ZFHX2: variants seen among roughly 807,000 people sequenced by gnomAD.
ZFHX2 encodes the protein zinc finger homeobox 2.
Under a neutral mutation model 164.8 loss-of-function variants are expected in ZFHX2, and 75 were observed. The observed-to-expected ratio is 0.46, with a 90% CI of 0.38 to 0.55. The LOEUF is 0.55. ZFHX2 is among the 20% of genes least tolerant of loss of function. The pLI is 0.00. For synonymous variants in ZFHX2, 1,217 were observed against 1,351.4 expected (o/e 0.90, Z 2.18); for missense variants, 2,933 against 3,308.0 (o/e 0.89, Z 2.78).
At chr14:23,552,018 G>A (rs1187676077), upstream of ZFHX2, among the ~76,000 whole-genome samples, 3 of 152,170 alleles carry the variant, frequency 2.0e-5, no homozygotes, top group African/African-American at 7.2e-5. Flanking sequence ...CCATACATGT[G>A]TTTTGTTGTT....
chr14:23,534,507 A>T lies in ZFHX2; in HGVS notation c.819T>A (p.Gly273=), dbSNP rs1180583933. 6 of 1,536,184 alleles carry T rather than the reference A, an allele frequency of 3.9e-6. No individual in the cohort carries two copies. Among genetic ancestry groups the T allele is most frequent in the Non-Finnish European group, 4.4e-6 (5 of 1,146,920 alleles). ...LTPAQYQGLS[G]SPAVLQEGDE... ...CTCCCTCCTGGAGTACAGCTGGGCT[A>T]CCTGACAGGCCCTGATATTGGGCAG... The change falls in exon 2 of 10, where the codon GGT becomes GGA. Residue 273 remains glycine, a synonymous_variant. Transcript: ENST00000419474. The surrounding 1 kb of genome is among the most constrained non-coding windows in gnomAD (Gnocchi z 4.5).
In ZFHX2 at chr14:23,522,457, A is replaced by G. The variant is rs1016152569; in HGVS notation, c.7224T>C (p.Pro2408=). ...NALLQPPPQP[P]EPTATAPPKP... is the part of the protein sequence containing the mutation. ...TTGGAGGTGCTGTGGCTGTGGGCTC[A>G]GGGGGCTGGGGTGGCGGCTGGAGGA... Residue 2408 remains proline (P), a synonymous_variant, in exon 10 of 10, where the codon CCT becomes CCC. Transcript: ENST00000419474. 7.8e-6 allele frequency: 12 copies of G among 1,536,068 alleles called. No homozygotes were observed. The Admixed American group carries it at 2.2e-4, about 28-fold the overall frequency.
In ZFHX2 at chr14:23,534,549, A is replaced by G. The variant is rs1212552679; in HGVS notation, c.777T>C (p.His259=). Residue 259 remains histidine, a synonymous_variant, in exon 2 of 10, where the codon CAT becomes CAC. Coordinates refer to ENST00000419474, the MANE Select transcript of ZFHX2 (RefSeq NM_033400.3). This position sits in a 1 kb window ranked among gnomAD's most constrained non-coding sequence, Gnocchi z 4.5. ...ATTGGGCAGGGGTTAGCTTCACCCC[A>G]TGAGACTGTGTGTGATCCATAAAGG... is the stretch of plus-strand genomic sequence containing the variant. ...PQAFMDHTQS[H]GVKLTPAQYQ... 11 of 1,536,024 alleles carry G rather than the reference A, an allele frequency of 7.2e-6. No homozygotes were observed. Among genetic ancestry groups the G allele is most frequent in the Non-Finnish European group, 9.6e-6 (11 of 1,146,916 alleles).
rs1161702370 is a variant in ZFHX2 at position 23,535,398 on chromosome 14, A to G, written c.-49-24T>C. On this transcript the variant is annotated intron_variant, in intron 1 of 9. Coordinates refer to ENST00000419474, the MANE Select transcript of ZFHX2 (RefSeq NM_033400.3). The surrounding 1 kb of genome is among the most constrained non-coding windows in gnomAD (Gnocchi z 4.5). ...CCCTGTAGGGAGACAAGGAGAGAGC[A>G]GTGCTGTGAGGCTGCAGGGACCCCA... 1.2e-5 allele frequency: 17 copies of G among 1,414,350 alleles called. No homozygotes were observed. The highest frequency in any genetic ancestry group is 1.6e-5 in the Non-Finnish European group (17 of 1,086,560). The allele number at this position is 1,414,350 out of a possible 1,614,324, so 87.6% of individuals were successfully genotyped here.
chr14:23,526,383 G>C lies in ZFHX2; in HGVS notation c.3559C>G (p.Pro1187Ala). 6.5e-7 allele frequency: 1 copy of C among 1,536,356 alleles called. No individual in the cohort carries two copies. ...TNFALDKFLDPARPYKCTVCK... is the reference protein window; with the variant it reads ...TNFALDKFLDAARPYKCTVCK... ...ACAGTGCACTTATAGGGCCGGGCAG[G>C]GTCGAGAAACTTGTCCAGGGCAAAG... Residue 1187 changes from proline to alanine, a missense_variant, in exon 9 of 10, where the codon CCT (proline) becomes GCT (alanine). Physicochemically the swap from Pro to Ala is conservative, Grantham distance 27. Transcript: ENST00000419474.
At chr14:23,548,894 C>T (rs2138925901) in intron 1 of ZFHX2, among the ~76,000 whole-genome samples, 1 of 152,328 alleles carries the variant, frequency 6.6e-6, no homozygotes, top group South Asian at 2.1e-4. Context: ...CACGCTGTGT[C>T]CTCCTCACAC....
At position 23,525,709 on chromosome 14, in the gene ZFHX2, C is replaced by G; in HGVS notation, c.4233G>C (p.Glu1411Asp). 2.0e-6 allele frequency: 3 copies of G among 1,521,416 alleles called. No individual in the cohort carries two copies. Among genetic ancestry groups the G allele is most frequent in the Non-Finnish European group, 2.6e-6 (3 of 1,138,742 alleles). The allele number at this position is 1,521,416 out of a possible 1,614,324, so 94.2% of individuals were successfully genotyped here. ...PKAELAEREW[E>D]RPPMAKEGNE... The stretch of plus-strand genomic sequence containing the variant: ...TACCCTCTTTGGCCATGGGGGGCCG[C>G]TCCCACTCCCGCTCAGCCAGCTCAG... The change falls in exon 9 of 10, where the codon GAG (glutamate) becomes GAC (aspartate). Residue 1411 changes from glutamate to aspartate, a missense_variant. By Grantham distance (45) the Glu-to-Asp change is conservative. Coordinates refer to ENST00000419474, the MANE Select transcript of ZFHX2 (RefSeq NM_033400.3). This position sits in a 1 kb window ranked among gnomAD's most constrained non-coding sequence, Gnocchi z 5.9.
rs760614110 is a variant in ZFHX2, at chr14:23,532,748, C to A, written c.2378G>T (p.Arg793Leu). The change falls in exon 3 of 10, where the codon CGG becomes CTG. Residue 793 changes from arginine to leucine, a missense_variant. Coordinates refer to ENST00000419474, the MANE Select transcript of ZFHX2 (RefSeq NM_033400.3). ...AQKYQLAAHL[R>L]EGGGAMGTPS... ...GGTGCCCATGGCTCCACCCCCCTCC[C>A]GCAGGTGGGCTGCCAGCTGGTACTT... 40 of 1,536,046 alleles carry A rather than the reference C, an allele frequency of 2.6e-5. No individual in the cohort carries two copies. The highest frequency in any genetic ancestry group is 2.2e-5 in the Non-Finnish European group (25 of 1,146,894).
chr14:23,548,095 T>C (rs1881576417), intron 1 of ZFHX2, among the ~76,000 whole-genome samples: 1 of 152,184 alleles, frequency 6.6e-6, no homozygotes, highest in East Asian at 1.9e-4. Flanking sequence ...TTAGTCTCCA[T>C]TCCTAAACCC....
In ZFHX2 at chr14:23,533,800, C is replaced by T. The variant is rs200422328; in HGVS notation, c.1526G>A (p.Arg509His). The change falls in exon 2 of 10, where the codon CGC becomes CAC. Residue 509 changes from arginine (R) to histidine (H), a missense_variant. Physicochemically the swap from Arg to His is conservative, Grantham distance 29. Coordinates refer to ENST00000419474, the MANE Select transcript of ZFHX2 (RefSeq NM_033400.3). This position sits in a 1 kb window ranked among gnomAD's most constrained non-coding sequence, Gnocchi z 4.8. ...TGTAGAGTAGTTGCAGACGTCACAG[C>T]GGTAGGGTTTGTAGCCACAGTTGTA... ...ESYNCGYKPY[R>H]CDVCNYSTTT... 125 of 1,547,726 alleles carry T rather than the reference C, an allele frequency of 8.1e-5. No homozygotes were observed. Among genetic ancestry groups the T allele is most frequent in the East Asian group, 2.2e-4 (9 of 41,602 alleles).
intron 5 of ZFHX2, 95 bp from the exon 6 acceptor site, chr14:23,529,863 A>G: frequency 1.6e-6 from 2 of 1,276,732 alleles, no homozygotes; most frequent in Non-Finnish European, 2.2e-6. Context: ...GGCACTAGAG[A>G]AAGGGCAGGA....
chr14:23,521,495 CTTCTTT>C lies in ZFHX2; in HGVS notation c.*461_*466del, dbSNP rs1449132104. 2 of 154,958 alleles carry C rather than the reference CTTCTTT, an allele frequency of 1.3e-5. No individual in the cohort carries two copies. The highest frequency in any genetic ancestry group is 4.8e-5 in the African/African-American group (2 of 41,456). The allele number at this position is 154,958 out of a possible 1,614,324, so 9.6% of individuals were successfully genotyped here. A position where few individuals can be genotyped will look rare whatever the true frequency, so the allele number is the denominator to read the frequency against. On this transcript the variant is annotated 3_prime_UTR_variant, in exon 10 of 10. Transcript: ENST00000419474. ...TTGCCTTGGGCTTTCTTTTTCGTTTCTTCTTTTTATCTTCTTTTTCAAAATTTTTTG... is the reference window on the plus strand; with the variant it reads ...TTGCCTTGGGCTTTCTTTTTCGTTTCTTATCTTCTTTTTCAAAATTTTTTG...
At chr14:23,531,764 T>A in intron 3 of ZFHX2, 43 bp from the exon 4 acceptor site, 1 of 1,286,038 alleles carries the variant, frequency 7.8e-7, no homozygotes, top group Non-Finnish European at 9.8e-7. Context: ...AGAAGGGACA[T>A]GCCAGACCTC....
rs1355140301 is a variant in ZFHX2 at position 23,541,319 on chromosome 14, G to A, written c.-49-5945C>T. On this transcript the variant is annotated intron_variant, in intron 1 of 9. Coordinates refer to ENST00000419474, the MANE Select transcript of ZFHX2 (RefSeq NM_033400.3). ...TTTTTTTTTTTTGAGACGGAGTTTC[G>A]CTCTTGTTGCCCAGGCTGGAGTACA... Among the ~76,000 whole-genome samples the A allele has an allele frequency of 2.8e-5, 4 of 142,170 alleles. No homozygotes were observed. The East Asian group carries it at 6.1e-4, about 22-fold the overall frequency. 93.3% of individuals were successfully genotyped at this position (142,170 alleles called of 152,430 possible). A position where few individuals can be genotyped will look rare whatever the true frequency, so the allele number is the denominator to read the frequency against.
In ZFHX2 at chr14:23,551,106, C is replaced by T. The variant is rs545140391; in HGVS notation, c.-50+237G>A. ...CCGCATCTCTCTTCCCCCATCCTCG[C>T]GCACGCCCTCTTCCTCCCACACCCC... On this transcript the variant is annotated intron_variant, in intron 1 of 9. Coordinates refer to ENST00000419474, the MANE Select transcript of ZFHX2 (RefSeq NM_033400.3). This position sits in a 1 kb window ranked among gnomAD's most constrained non-coding sequence, Gnocchi z 5.3. 2.7e-4 allele frequency among the ~76,000 whole-genome samples: 41 copies of T among 151,992 alleles called. No homozygotes were observed. Among genetic ancestry groups the T allele is most frequent in the Middle Eastern group, 3.4e-3 (1 of 294 alleles).
At chr14:23,547,286 C>T (rs1356421848) in intron 1 of ZFHX2, among the ~76,000 whole-genome samples, 1 of 152,342 alleles carries the variant, frequency 6.6e-6, no homozygotes, top group Non-Finnish European at 1.5e-5. Flanking sequence ...TTAATAATTA[C>T]CTGGCTTGGG....
Position 23,525,543 on chromosome 14 carries a change from TA to T in ZFHX2, c.4398del (p.Thr1467ProfsTer46). The T allele has an allele frequency of 1.3e-6, 2 of 1,534,082 alleles. No individual in the cohort carries two copies. Among genetic ancestry groups the T allele is most frequent in the Non-Finnish European group, 1.7e-6 (2 of 1,146,644 alleles). ...CCGAGGGCCTCAGGTGGGGGTGGGGTAGGGGGAGGGGGCACAGCTTGCTTCC... is the reference window on the plus strand; with the variant it reads ...CCGAGGGCCTCAGGTGGGGGTGGGGTGGGGGAGGGGGCACAGCTTGCTTCC... ...NEGKQAVPPPPTPPPPEALGG... is the reference protein window; with the variant it reads ...NEGKQAVPPPXTPPPPEALGG... On this transcript the variant is annotated frameshift_variant, in exon 9 of 10. Coordinates refer to ENST00000419474, the MANE Select transcript of ZFHX2 (RefSeq NM_033400.3). LOFTEE classifies it high-confidence loss of function. The surrounding 1 kb of genome is among the most constrained non-coding windows in gnomAD (Gnocchi z 5.9).
chr14:23,539,140 C>T (rs1724194380), intron 1 of ZFHX2, among the ~76,000 whole-genome samples: 1 of 152,078 alleles, frequency 6.6e-6, no homozygotes, highest in Non-Finnish European at 1.5e-5. Flanking sequence ...TGCACTGTTT[C>T]GTCACAAGGC....
chr14:23,554,912 G>A (rs894589514), upstream of ZFHX2, among the ~76,000 whole-genome samples: 5 of 152,086 alleles, frequency 3.3e-5, no homozygotes, highest in Non-Finnish European at 7.4e-5. Context: ...GTCCTCAGAG[G>A]GAGTAAGAAG....
Sources: gnomAD v4.1 joint callset for allele counts (sites outside exome capture counted in the v4.1 genomes callset) on GRCh38, gnomAD v4.1.1 for gene constraint, Gnocchi (gnomAD v3.1) non-coding constraint, MANE v1.5 for transcripts, NCBI Gene and HGNC (gene_info 2026-07-23, HGNC 2026-07-21) for gene names.